The following TAFA4 variants were observed in gnomAD, a reference collection of about 807,000 sequenced individuals.
The protein encoded by TAFA4 is TAFA chemokine like family member 4, also known as chemokine-like protein TAFA-4.
Under a neutral mutation model 21.1 loss-of-function variants are expected in TAFA4, and 20 were observed. The ratio of observed to expected loss-of-function variants is 0.95; its 90% CI spans 0.67 to 1.38. TAFA4 has a LOEUF of 1.38. Ranked by LOEUF, TAFA4 falls within the 40% of genes most tolerant of loss-of-function variation. The pLI is 0.00. For synonymous variants in TAFA4, 71 were observed against 67.4 expected (o/e 1.05, Z -0.26); for missense variants, 211 against 180.9 (o/e 1.17, Z -0.95).
chr3:68,826,040 T>C (rs1221535839), intron 3 of TAFA4, among the ~76,000 whole-genome samples: 1 of 151,806 alleles, frequency 6.6e-6, no homozygotes, highest in Non-Finnish European at 1.5e-5. Flanking sequence ...GATAATGAAG[T>C]GAGTTTTGCA....
chr3:68,918,725 C>T (rs936957867), intron 1 of TAFA4, among the ~76,000 whole-genome samples: 1 of 152,054 alleles, frequency 6.6e-6, no homozygotes, highest in Non-Finnish European at 1.5e-5. Flanking sequence ...TTTTTTTGTA[C>T]AGACATGGTT....
chr3:68,898,826 G>C (rs2089817778), intron 1 of TAFA4, among the ~76,000 whole-genome samples: 1 of 152,150 alleles, frequency 6.6e-6, no homozygotes, highest in Admixed American at 6.5e-5. Flanking sequence ...ACTTACCCAA[G>C]TATACAATAT....
chr3:68,831,157 G>A (rs1488702230), intron 3 of TAFA4, among the ~76,000 whole-genome samples: 1 of 152,182 alleles, frequency 6.6e-6, no homozygotes, highest in African/African-American at 2.4e-5. Context: ...GCCAGTCTGT[G>A]TCTTTTAATT....
chr3:68,914,398 C>G (rs1485201562), intron 1 of TAFA4, among the ~76,000 whole-genome samples: 2 of 152,212 alleles, frequency 1.3e-5, no homozygotes, highest in Admixed American at 6.5e-5. Flanking sequence ...GGTTTCATGA[C>G]TATGTACCTA....
At chr3:68,737,590 G>A (rs143540952) in intron 5 of TAFA4, among the ~76,000 whole-genome samples, 2 of 152,198 alleles carry the variant, frequency 1.3e-5, no homozygotes, top group African/African-American at 4.8e-5. Context: ...ATCAGCTAAA[G>A]TTCCCATTTA....
At chr3:68,774,211 A>T (rs1490182025) in intron 3 of TAFA4, among the ~76,000 whole-genome samples, 1 of 152,188 alleles carries the variant, frequency 6.6e-6, no homozygotes, top group African/African-American at 2.4e-5. Context: ...TAGCAATAAA[A>T]ACCTGGAATT....
Position 68,743,575 on chromosome 3 carries a change from C to CA in TAFA4, c.287-4377dup, listed in dbSNP as rs1156284708. Among the ~76,000 whole-genome samples the CA allele has an allele frequency of 7.5e-3, 492 of 65,656 alleles. 4 individuals carry two copies. The highest frequency in any genetic ancestry group is 0.022 in the South Asian group (32 of 1,430). 43.1% of individuals were successfully genotyped at this position (65,656 alleles called of 152,430 possible). A position where few individuals can be genotyped will look rare whatever the true frequency, so the allele number is the denominator to read the frequency against. On this transcript the variant is annotated intron_variant, in intron 4 of 5. Transcript: ENST00000295569. Reference sequence around the variant, plus strand: ...TGGGTGACAGAGCAAGACTCTGTCTCAAAAAAAAAAAAAAGAAAAAGTTAA... The same window carrying CA: ...TGGGTGACAGAGCAAGACTCTGTCTCAAAAAAAAAAAAAAAGAAAAAGTTAA...
chr3:68,831,136 T>C (rs888311122), intron 3 of TAFA4, among the ~76,000 whole-genome samples: 1 of 152,238 alleles, frequency 6.6e-6, no homozygotes, highest in Non-Finnish European at 1.5e-5. Flanking sequence ...TCTTGACTCT[T>C]TATCCAATTT....
At chr3:68,833,636 T>C (rs1488840580) in intron 3 of TAFA4, among the ~76,000 whole-genome samples, 1 of 152,358 alleles carries the variant, frequency 6.6e-6, no homozygotes, top group Admixed American at 6.5e-5. Flanking sequence ...AAATAGCATG[T>C]AAATAGTTAA....
At chr3:68,763,869 TACACAC>T (rs147436920) in intron 3 of TAFA4, among the ~76,000 whole-genome samples, 14 of 147,252 alleles carry the variant, frequency 9.5e-5, no homozygotes, top group South Asian at 2.2e-4. Flanking sequence ...TATGACAGAC[TACACAC>T]ACACACACAC....
intron 4 of TAFA4, among the ~76,000 whole-genome samples, chr3:68,739,413 G>C (rs1310250998): frequency 6.6e-6 from 1 of 152,188 alleles, no homozygotes; most frequent in Non-Finnish European, 1.5e-5. Flanking sequence ...TGAGAACGCA[G>C]AGAAAAGGGA....
chr3:68,835,028 G>A (rs1284150241), intron 3 of TAFA4, among the ~76,000 whole-genome samples: 1 of 152,144 alleles, frequency 6.6e-6, no homozygotes, highest in African/African-American at 2.4e-5. Context: ...ACATGCAGGG[G>A]TGGGAAGTGC....
At chr3:68,761,326 T>C (rs1379856721) in intron 3 of TAFA4, among the ~76,000 whole-genome samples, 1 of 151,410 alleles carries the variant, frequency 6.6e-6, no homozygotes, top group Non-Finnish European at 1.5e-5. Flanking sequence ...AATATAACAC[T>C]GAAAAAAATG....
At chr3:68,744,704 T>A (rs540398731) in intron 4 of TAFA4, among the ~76,000 whole-genome samples, 1 of 152,096 alleles carries the variant, frequency 6.6e-6, no homozygotes, top group African/African-American at 2.4e-5. Context: ...CAGAACACTA[T>A]GCCACTTCTT....
At chr3:68,800,212 C>T (rs1703546912) in intron 3 of TAFA4, among the ~76,000 whole-genome samples, 1 of 152,004 alleles carries the variant, frequency 6.6e-6, no homozygotes, top group African/African-American at 2.4e-5. Flanking sequence ...TTCCCCAGTC[C>T]ATGAAAAAAA....
intron 1 of TAFA4, among the ~76,000 whole-genome samples, chr3:68,930,969 C>T (rs2090152568): frequency 6.6e-6 from 1 of 152,176 alleles, no homozygotes; most frequent in Admixed American, 6.5e-5. Flanking sequence ...CAAACTGCCC[C>T]CACCTCTTCC....
chr3:68,848,421 A>AC, intron 3 of TAFA4, among the ~76,000 whole-genome samples: 1 of 152,192 alleles, frequency 6.6e-6, no homozygotes, highest in African/African-American at 2.4e-5. Context: ...AGTTCTTTAG[A>AC]CACAAGATAT....
intron 3 of TAFA4, among the ~76,000 whole-genome samples, chr3:68,767,426 T>C (rs923986324): frequency 7.2e-5 from 11 of 151,922 alleles, no homozygotes; most frequent in African/African-American, 2.7e-4. Flanking sequence ...ATGCATAAGC[T>C]ACAAACATTT....
At chr3:68,850,768 G>A (rs894250679) in intron 3 of TAFA4, among the ~76,000 whole-genome samples, 3 of 151,566 alleles carry the variant, frequency 2.0e-5, no homozygotes, top group Non-Finnish European at 4.4e-5. Context: ...GTTCCTTGTA[G>A]ATTCTGGGTA....
Sources: allele counts gnomAD v4.1 joint callset (sites outside exome capture counted in the v4.1 genomes callset), GRCh38; gene constraint gnomAD v4.1.1; transcripts MANE v1.5; gene names NCBI Gene and HGNC (gene_info 2026-07-23, HGNC 2026-07-21).